AR: variants seen among roughly 807,000 people sequenced by gnomAD.
AR encodes the protein androgen receptor.
In AR, 8 loss-of-function variants were observed where a neutral mutation model predicts 53.9. That is an observed-to-expected ratio of 0.15 (90% confidence interval 0.09 to 0.27). The LOEUF (loss-of-function observed/expected upper bound fraction) is 0.27, where lower values mean the gene tolerates loss of function less well. Ranked by LOEUF, AR falls within the 10% of genes least tolerant of loss-of-function variation. The probability of loss-of-function intolerance (pLI) is 1.00; values close to 1 mark genes in which losing one functional copy is unlikely to be tolerated. For synonymous variants in AR, 359 were observed against 316.4 expected (o/e 1.13, Z -1.43); for missense variants, 639 against 742.5 (o/e 0.86, Z 1.62).
intron 1 of AR, among the ~76,000 whole-genome samples, chrX:67,584,353 GA>G (rs1220761240): frequency 8.9e-6 from 1 of 112,099 alleles, no homozygotes; most frequent in Non-Finnish European, 1.9e-5. Flanking sequence ...TCTTTGTGAA[GA>G]AAAGTGAATT....
chrX:67,585,300 T>G (rs1922490528), intron 1 of AR, among the ~76,000 whole-genome samples: 1 of 109,611 alleles, frequency 9.1e-6, no homozygotes, highest in African/African-American at 3.3e-5. Context: ...AATAACTATC[T>G]GTAGCATAAA....
rs1369452896 is a variant in AR at position 67,726,619 on chromosome X, C to G, written c.*2778C>G. The stretch of plus-strand genomic sequence containing the variant: ...TGGATTACTCCAAATTTCCAAATGA[C>G]AAAACTAGGGAAAAATAGCCTACAC... On this transcript the variant is annotated 3_prime_UTR_variant, in exon 8 of 8. Transcript: ENST00000374690. The G allele has an allele frequency of 1.1e-5, 2 of 174,441 alleles. No individual in the cohort carries two copies. Among genetic ancestry groups the G allele is most frequent in the Non-Finnish European group, 2.2e-5 (2 of 91,568 alleles). The allele number at this position is 174,441 out of a possible 1,213,427, so 14.4% of individuals were successfully genotyped here. A position where few individuals can be genotyped will look rare whatever the true frequency, so the allele number is the denominator to read the frequency against.
chrX:67,671,517 G>A (rs758773210), intron 2 of AR, among the ~76,000 whole-genome samples: 4 of 112,281 alleles, frequency 3.6e-5, no homozygotes, highest in Admixed American at 9.4e-5. Context: ...CAGATGAATA[G>A]ATTGCAAAAA....
At chrX:67,584,291 G>A (rs936004183) in intron 1 of AR, among the ~76,000 whole-genome samples, 1 of 112,016 alleles carries the variant, frequency 8.9e-6, no homozygotes, top group Admixed American at 9.5e-5. Flanking sequence ...GATGGAGTTC[G>A]ATTTCAAGGC....
intron 1 of AR, among the ~76,000 whole-genome samples, chrX:67,641,235 G>A (rs996901758): frequency 1.8e-5 from 2 of 111,825 alleles, no homozygotes; most frequent in East Asian, 2.8e-4. Flanking sequence ...ATTGTTCTGA[G>A]CATCAGTTTC....
intron 1 of AR, among the ~76,000 whole-genome samples, chrX:67,586,523 T>A (rs1922554362): frequency 1.8e-5 from 2 of 112,226 alleles, no homozygotes; most frequent in Admixed American, 9.5e-5. Flanking sequence ...AGATGAAAAT[T>A]CCTTCTCCAT....
intron 1 of AR, among the ~76,000 whole-genome samples, chrX:67,635,548 A>G (rs1925391203): frequency 9.0e-6 from 1 of 110,689 alleles, no homozygotes; most frequent in Admixed American, 9.7e-5. Flanking sequence ...CAGGAGGAGG[A>G]GCAGAGGAGA....
chrX:67,680,899 G>T, intron 2 of AR: 1 of 266,994 alleles, frequency 3.7e-6, no homozygotes, highest in South Asian at 4.0e-5. Flanking sequence ...ATGATGGAAG[G>T]ATACGACTAT....
intron 1 of AR, 85 bp downstream of exon 1, chrX:67,546,847 C>T: frequency 9.7e-7 from 1 of 1,031,110 alleles, no homozygotes; most frequent in African/African-American, 1.9e-5. Context: ...CTCCTACCTG[C>T]GCGAACACTC....
chrX:67,562,388 G>GTGTGTGTA (rs1180511601), intron 1 of AR, among the ~76,000 whole-genome samples: 1 of 109,316 alleles, frequency 9.1e-6, no homozygotes. Flanking sequence ...GTGTGTGTGT[G>GTGTGTGTA]TGTGTGTATG....
intron 3 of AR, among the ~76,000 whole-genome samples, chrX:67,707,572 A>G (rs2076074212): frequency 1.8e-5 from 2 of 111,383 alleles, no homozygotes; most frequent in Middle Eastern, 4.6e-3. Flanking sequence ...CAGCACACTG[A>G]TGGGTCTTGA....
chrX:67,672,543 G>C (rs1393493403), intron 2 of AR, among the ~76,000 whole-genome samples: 1 of 109,127 alleles, frequency 9.2e-6, no homozygotes, highest in Non-Finnish European at 1.9e-5. Context: ...GTTACCATGA[G>C]GCTTGTACAT....
In AR at chrX:67,686,135, C is replaced by T. The variant is rs2075965518; in HGVS notation, c.1885+9C>T. ...AGGGATGACTCTGGGAGGTAAGATA[C>T]TTTTCTTTCTCTTCCTCCTCCTTCC... On this transcript the variant is annotated intron_variant, in intron 3 of 7. Transcript: ENST00000374690. 1 of 1,199,036 alleles carries T rather than the reference C, an allele frequency of 8.3e-7. No homozygotes were observed. The highest frequency in any genetic ancestry group is 1.8e-5 in the South Asian group (1 of 56,396).
intron 2 of AR, among the ~76,000 whole-genome samples, chrX:67,672,703 GT>G (rs1238935503): frequency 2.7e-5 from 3 of 110,989 alleles, no homozygotes; most frequent in African/African-American, 9.8e-5. Flanking sequence ...TTATTGTACT[GT>G]TTATGTCTTG....
chrX:67,671,948 C>T (rs1400233427), intron 2 of AR, among the ~76,000 whole-genome samples: 2 of 111,215 alleles, frequency 1.8e-5, no homozygotes, highest in Admixed American at 9.6e-5. Context: ...CTCTGTTCCA[C>T]GTGTCTATAT....
intron 3 of AR, among the ~76,000 whole-genome samples, chrX:67,698,377 G>T (rs888334063): frequency 2.7e-5 from 3 of 112,742 alleles, no homozygotes; most frequent in African/African-American, 9.7e-5. Flanking sequence ...GCAGAATTCT[G>T]TTTGTCCAGC....
chrX:67,591,053 C>A (rs1922806827), intron 1 of AR, among the ~76,000 whole-genome samples: 1 of 111,599 alleles, frequency 9.0e-6, no homozygotes, highest in Admixed American at 9.6e-5. Context: ...TTCTTCCAGG[C>A]ATCATATTAA....
chrX:67,636,988 A>G lies in AR; in HGVS notation c.1617-6268A>G, dbSNP rs749075223. 5.7e-4 allele frequency among the ~76,000 whole-genome samples: 64 copies of G among 112,013 alleles called. 1 individual carries two copies. Among genetic ancestry groups the G allele is most frequent in the Non-Finnish European group, 1.1e-3 (57 of 53,173 alleles). On this transcript the variant is annotated intron_variant, in intron 1 of 7. Coordinates refer to ENST00000374690, the MANE Select transcript of AR (RefSeq NM_000044.6). ...ACTCATGCCTAACAAACAAAACTCTAATGAATATTTTGTCTTTCATTGATT... is the reference window on the plus strand; with the variant it reads ...ACTCATGCCTAACAAACAAAACTCTGATGAATATTTTGTCTTTCATTGATT...
At chrX:67,619,394 G>C (rs999625429) in intron 1 of AR, among the ~76,000 whole-genome samples, 1 of 110,715 alleles carries the variant, frequency 9.0e-6, no homozygotes, top group Non-Finnish European at 1.9e-5. Context: ...ACAGATATTA[G>C]TCACTGATTG....
Sources: gnomAD v4.1 joint callset for allele counts (sites outside exome capture counted in the v4.1 genomes callset) on GRCh38, gnomAD v4.1.1 for gene constraint, MANE v1.5 for transcripts, NCBI Gene and HGNC (gene_info 2026-07-23, HGNC 2026-07-21) for gene names.